The following MCTP2 variants were observed in gnomAD, a reference collection of about 807,000 sequenced individuals.
MCTP2 encodes multiple C2 and transmembrane domain-containing protein 2.
Under a neutral mutation model 111.6 loss-of-function variants are expected in MCTP2, and 132 were observed. The ratio of observed to expected loss-of-function variants is 1.18; its 90% CI spans 1.03 to 1.37. The LOEUF is 1.37. Among genes scored for constraint, MCTP2 ranks in the 40% most tolerant of loss-of-function variants. MCTP2 has a pLI of 0.00. For synonymous variants in MCTP2, 395 were observed against 387.7 expected (o/e 1.02, Z -0.22); for missense variants, 1,183 against 1,067.9 (o/e 1.11, Z -1.50).
chr15:94,241,329 A>T (rs999677845), intron 1 of MCTP2, among the ~76,000 whole-genome samples: 1 of 152,202 alleles, frequency 6.6e-6, no homozygotes, highest in Non-Finnish European at 1.5e-5. Context: ...TTCCAATAAG[A>T]AGCCATTTTA....
Position 94,243,359 on chromosome 15 carries a change from GCGTATA to G in MCTP2, c.-66+11696_-66+11701del, listed in dbSNP as rs1260307541. ...TATGCGTATGTACATACATACGTAT[GCGTATA>G]TGCGTATGTACATACATACGTATGC... On this transcript the variant is annotated intron_variant, in intron 1 of 22. Transcript: ENST00000357742. 6.8e-5 allele frequency among the ~76,000 whole-genome samples: 10 copies of G among 146,992 alleles called. 1 individual carries two copies. Among genetic ancestry groups the G allele is most frequent in the African/African-American group, 2.3e-4 (9 of 39,666 alleles).
At chr15:94,271,374 C>A (rs539120984) in intron 1 of MCTP2, among the ~76,000 whole-genome samples, 5 of 152,240 alleles carry the variant, frequency 3.3e-5, no homozygotes, top group African/African-American at 9.6e-5. Context: ...CATGAGACTA[C>A]CTTAAGGGCA....
intron 9 of MCTP2, among the ~76,000 whole-genome samples, chr15:94,357,368 T>C (rs572441459): frequency 1.3e-4 from 20 of 152,270 alleles, no homozygotes; most frequent in Middle Eastern, 6.8e-3. Context: ...GATAACCATA[T>C]CTCTCTACTA....
chr15:94,323,041 T>C (rs1030530703), intron 4 of MCTP2, among the ~76,000 whole-genome samples: 1 of 152,190 alleles, frequency 6.6e-6, no homozygotes, highest in Admixed American at 6.5e-5. Flanking sequence ...CATAAAGAGC[T>C]GTGAGGTTTT....
At chr15:94,447,112 G>A (rs572356503) in intron 19 of MCTP2, among the ~76,000 whole-genome samples, 2 of 152,262 alleles carry the variant, frequency 1.3e-5, no homozygotes, top group African/African-American at 4.8e-5. Context: ...AAATTGATTA[G>A]TCAGTCCCTT....
chr15:94,373,310 A>C (rs937128787), intron 12 of MCTP2, among the ~76,000 whole-genome samples: 11 of 152,236 alleles, frequency 7.2e-5, no homozygotes, highest in African/African-American at 2.4e-4. Flanking sequence ...TTAGTATTTT[A>C]GAACATTAGA....
intron 20 of MCTP2, among the ~76,000 whole-genome samples, chr15:94,460,584 C>T (rs1342443699): frequency 6.6e-6 from 1 of 152,188 alleles, no homozygotes; most frequent in Non-Finnish European, 1.5e-5. Flanking sequence ...TGTTTCCATT[C>T]TGGAACATCT....
At chr15:94,339,494 T>C in intron 5 of MCTP2, 62 bp downstream of exon 5, 2 of 1,433,418 alleles carry the variant, frequency 1.4e-6, no homozygotes, top group African/African-American at 1.4e-5. Context: ...CAGTTTCTCA[T>C]GTCCTCTTAG....
chr15:94,434,780 A>G (rs1164268886), intron 17 of MCTP2, among the ~76,000 whole-genome samples: 1 of 152,138 alleles, frequency 6.6e-6, no homozygotes, highest in African/African-American at 2.4e-5. Context: ...TAACTTGTGA[A>G]GTCAGCTAGT....
Position 94,479,089 on chromosome 15 carries a change from C to A in MCTP2, c.*55C>A. On this transcript the variant is annotated 3_prime_UTR_variant, in exon 23 of 23. Transcript: ENST00000357742. ...CAATATTGTGTTTGGTTGAGTAGAC[C>A]AATGTTATGGCTGTTTCAGTGGTAC... 4 of 1,539,302 alleles carry A rather than the reference C, an allele frequency of 2.6e-6. No homozygotes were observed. Among genetic ancestry groups the A allele is most frequent in the Non-Finnish European group, 3.6e-6 (4 of 1,112,614 alleles).
chr15:94,259,806 A>G (rs774188126), intron 1 of MCTP2, among the ~76,000 whole-genome samples: 2 of 152,178 alleles, frequency 1.3e-5, no homozygotes, highest in South Asian at 4.1e-4. Flanking sequence ...GATCGCTTGT[A>G]AAGGCTTCCC....
At chr15:94,243,656 C>T (rs953334913) in intron 1 of MCTP2, among the ~76,000 whole-genome samples, 22 of 148,668 alleles carry the variant, frequency 1.5e-4, no homozygotes, top group Non-Finnish European at 9.0e-5. Flanking sequence ...TATGTATACA[C>T]ATATGCGTAT....
intron 1 of MCTP2, among the ~76,000 whole-genome samples, chr15:94,278,777 A>G (rs572256486): frequency 5.9e-5 from 9 of 152,020 alleles, no homozygotes; most frequent in East Asian, 1.9e-4. Flanking sequence ...CCTTGTGTCT[A>G]TATGTACTCA....
In MCTP2 at chr15:94,480,899, T is replaced by TGTTAA. The variant is rs1270311322; in HGVS notation, c.*1869_*1873dup. On this transcript the variant is annotated 3_prime_UTR_variant, in exon 23 of 23. Coordinates refer to ENST00000357742, the MANE Select transcript of MCTP2 (RefSeq NM_001385001.1). ...TCTGTAGCCCGATTGAAATTCTCAG[T>TGTTAA]GTTAAGTTTAGGACCCAAACACCAG... 2 of 152,222 alleles carry TGTTAA rather than the reference T, an allele frequency of 1.3e-5. No individual in the cohort carries two copies. Among genetic ancestry groups the TGTTAA allele is most frequent in the African/African-American group, 2.4e-5 (1 of 41,454 alleles). 9.4% of individuals were successfully genotyped at this position (152,222 alleles called of 1,614,324 possible). A position where few individuals can be genotyped will look rare whatever the true frequency, so the allele number is the denominator to read the frequency against.
At chr15:94,370,277 C>CTGT in intron 12 of MCTP2, 97 bp downstream of exon 12, 1 of 924,126 alleles carries the variant, frequency 1.1e-6, no homozygotes, top group Non-Finnish European at 1.6e-6. Context: ...AGAAGTATGA[C>CTGT]TATAACAGTC....
chr15:94,285,605 G>T (rs1399908250), intron 1 of MCTP2, among the ~76,000 whole-genome samples: 2 of 152,138 alleles, frequency 1.3e-5, no homozygotes, highest in Non-Finnish European at 2.9e-5. Flanking sequence ...TCATTTCAGG[G>T]CAAGATAGTA....
chr15:94,247,515 T>C (rs1483286924), intron 1 of MCTP2, among the ~76,000 whole-genome samples: 1 of 152,114 alleles, frequency 6.6e-6, no homozygotes, highest in African/African-American at 2.4e-5. Context: ...AGGGGCTTCA[T>C]TGTCAACCTG....
intron 20 of MCTP2, among the ~76,000 whole-genome samples, chr15:94,468,456 C>T (rs1269705434): frequency 6.6e-6 from 1 of 150,986 alleles, no homozygotes; most frequent in Non-Finnish European, 1.5e-5. Context: ...TTTTCTTAAG[C>T]ACGTTCCTAA....
At chr15:94,244,102 A>G (rs538720978) in intron 1 of MCTP2, among the ~76,000 whole-genome samples, 34 of 145,894 alleles carry the variant, frequency 2.3e-4, no homozygotes, top group East Asian at 4.1e-4. Flanking sequence ...ATACACATAC[A>G]TATGTGTATA....
Sources: allele counts gnomAD v4.1 joint callset (sites outside exome capture counted in the v4.1 genomes callset), GRCh38; gene constraint gnomAD v4.1.1; transcripts MANE v1.5; gene names NCBI Gene and HGNC (gene_info 2026-07-23, HGNC 2026-07-21).